MICAL2: variants seen among roughly 807,000 people sequenced by gnomAD.
MICAL2 encodes the protein [F-actin]-monooxygenase MICAL2.
MICAL2 carries 77 observed loss-of-function variants against 127.3 expected under a neutral mutation model. The observed-to-expected ratio is 0.60, with a 90% CI of 0.50 to 0.73. MICAL2 has a LOEUF of 0.73. Among genes scored for constraint, MICAL2 ranks in the 30% least tolerant of loss-of-function variants. MICAL2 has a pLI of 0.00. For synonymous variants in MICAL2, 570 were observed against 551.1 expected, an observed-to-expected ratio of 1.03 and a Z score of -0.48; for missense variants, 1,351 against 1,434.4, an observed-to-expected ratio of 0.94 and a Z score of 0.94.
chr11:12,209,713 T>C lies in MICAL2; in HGVS notation c.691+115T>C. 6 of 924,358 alleles carry C rather than the reference T, an allele frequency of 6.5e-6. No individual in the cohort carries two copies. The South Asian group carries it at 8.5e-5, about 13-fold the overall frequency. The allele number at this position is 924,358 out of a possible 1,614,324, so 57.3% of individuals were successfully genotyped here. ...AGATGCCAGAGCTGGATGGAGGTTT[T>C]GATAGGAGGGCAGACCATCCTGTCC... is the stretch of plus-strand genomic sequence containing the variant. On this transcript the variant is annotated intron_variant, in intron 6 of 27. Coordinates refer to ENST00000683283, the MANE Select transcript of MICAL2 (RefSeq NM_001282663.2).
intron 3 of MICAL2, among the ~76,000 whole-genome samples, chr11:12,186,725 G>C (rs868276017): frequency 1.3e-5 from 2 of 152,190 alleles, no homozygotes. Flanking sequence ...GGAGTGCAGA[G>C]AGTGGGAGCT....
intron 31 of MICAL2, chr11:12,324,203 G>T: frequency 2.8e-6 from 3 of 1,089,414 alleles, no homozygotes; most frequent in South Asian, 2.0e-5. Flanking sequence ...TGTTCTCTGA[G>T]GAACCAGATT....
At chr11:12,192,953 C>G (rs1023748293) in intron 3 of MICAL2, among the ~76,000 whole-genome samples, 2 of 152,164 alleles carry the variant, frequency 1.3e-5, no homozygotes, top group African/African-American at 2.4e-5. Context: ...CTTTATTCCT[C>G]TTTTATGGTT....
chr11:12,346,506 C>T (rs936217527), intron 32 of MICAL2, among the ~76,000 whole-genome samples: 7 of 152,202 alleles, frequency 4.6e-5, no homozygotes, highest in Admixed American at 1.3e-4. Flanking sequence ...CTCTGGCGTA[C>T]ATACTTCATT....
intron 3 of MICAL2, among the ~76,000 whole-genome samples, chr11:12,194,210 C>T (rs2134045453): frequency 6.6e-6 from 1 of 152,330 alleles, no homozygotes; most frequent in East Asian, 1.9e-4. Flanking sequence ...CTCTCCCTCA[C>T]TATCTGCTGT....
chr11:12,194,626 G>T (rs556700901), intron 3 of MICAL2, among the ~76,000 whole-genome samples: 57 of 152,212 alleles, frequency 3.7e-4, no homozygotes, highest in African/African-American at 1.3e-3. Flanking sequence ...TTCTCCTAAA[G>T]AAATGTGAGA....
At chr11:12,334,600 C>G (rs1334106100) in intron 32 of MICAL2, among the ~76,000 whole-genome samples, 2 of 103,974 alleles carry the variant, frequency 1.9e-5, no homozygotes, top group South Asian at 5.6e-4. Flanking sequence ...ATCCCTCCCC[C>G]CTCCCCCCAC....
At chr11:12,163,869 G>T (rs1415622528) in intron 3 of MICAL2, 1 of 152,116 alleles carries the variant, frequency 6.6e-6, no homozygotes, top group Non-Finnish European at 1.5e-5. Context: ...AATTGTATAT[G>T]GTGGCTTCTT....
At chr11:12,165,584 A>G (rs1855407286) in intron 3 of MICAL2, among the ~76,000 whole-genome samples, 2 of 152,194 alleles carry the variant, frequency 1.3e-5, no homozygotes, top group Non-Finnish European at 2.9e-5. Flanking sequence ...CAGAACCCCG[A>G]CCTTTGTGCT....
chr11:12,162,418 AG>A lies in MICAL2; in HGVS notation c.264+1del. Reference protein sequence around the residue: ...YKRGKSCTNTKCLIVGGGPCG... With the variant: ...YKRGKSCTNTXCLIVGGGPCG... ...CGAGGGAAGTCGTGCACGAACACCAAGGTAAGGGGAAACCCTCCTAGTCTTA... is the reference window on the plus strand; with the variant it reads ...CGAGGGAAGTCGTGCACGAACACCAAGTAAGGGGAAACCCTCCTAGTCTTA... On this transcript the variant is annotated frameshift_variant and splice_region_variant, in exon 3 of 28. Coordinates refer to ENST00000683283, the MANE Select transcript of MICAL2 (RefSeq NM_001282663.2). LOFTEE classifies it high-confidence loss of function. The A allele has an allele frequency of 6.2e-7, 1 of 1,614,094 alleles. No individual in the cohort carries two copies. Among genetic ancestry groups the A allele is most frequent in the Non-Finnish European group, 8.5e-7 (1 of 1,179,954 alleles).
At chr11:12,231,819 G>A (rs978908498) in intron 15 of MICAL2, among the ~76,000 whole-genome samples, 1 of 152,222 alleles carries the variant, frequency 6.6e-6, no homozygotes, top group Non-Finnish European at 1.5e-5. Flanking sequence ...GGGCCCTGGA[G>A]TATCCCCTCC....
chr11:12,344,311 A>G, intron 32 of MICAL2, among the ~76,000 whole-genome samples: 1 of 151,918 alleles, frequency 6.6e-6, no homozygotes, highest in Admixed American at 6.6e-5. Flanking sequence ...AACAAAACAA[A>G]ACAAAAAACA....
At chr11:12,278,423 C>T (rs1044406334) in intron 1 of MICAL2, among the ~76,000 whole-genome samples, 9 of 152,276 alleles carry the variant, frequency 5.9e-5, no homozygotes, top group African/African-American at 9.6e-5. Flanking sequence ...CCTTTCCCTA[C>T]GATGTTAACA....
chr11:12,296,624 G>C (rs557781559), downstream of MICAL2, among the ~76,000 whole-genome samples: 1 of 150,578 alleles, frequency 6.6e-6, no homozygotes, highest in African/African-American at 2.4e-5. Flanking sequence ...AAATCAAAGG[G>C]TACAAAAGGT....
At chr11:12,219,581 A>G (rs1856589028) in intron 8 of MICAL2, among the ~76,000 whole-genome samples, 1 of 149,512 alleles carries the variant, frequency 6.7e-6, no homozygotes, top group South Asian at 2.1e-4. Context: ...CCCTCGGCCC[A>G]TCAAGTAAAG....
chr11:12,257,132 C>A, intron 24 of MICAL2, 161 bp downstream of exon 24: 2 of 760,006 alleles, frequency 2.6e-6, no homozygotes, highest in Admixed American at 3.2e-5. Flanking sequence ...GGAGCTCCTG[C>A]TAGAAGGGGA....
chr11:12,231,435 GT>G (rs1858249762), intron 15 of MICAL2, among the ~76,000 whole-genome samples: 1 of 152,168 alleles, frequency 6.6e-6, no homozygotes, highest in African/African-American at 2.4e-5. Flanking sequence ...AGTGGTCCAG[GT>G]CCCCCTCCCC....
At chr11:12,150,216 G>A (rs1853418589) in intron 2 of MICAL2, among the ~76,000 whole-genome samples, 1 of 152,086 alleles carries the variant, frequency 6.6e-6, no homozygotes, top group Non-Finnish European at 1.5e-5. Context: ...CGCATTTTGG[G>A]GAATGACTTC....
intron 3 of MICAL2, among the ~76,000 whole-genome samples, chr11:12,174,379 T>TACC (rs1856612264): frequency 2.0e-5 from 1 of 48,878 alleles, no homozygotes; most frequent in African/African-American, 7.8e-5. Context: ...AGCCCCTGCC[T>TACC]ACCACCATTC....
Sources: allele counts gnomAD v4.1 joint callset (sites outside exome capture counted in the v4.1 genomes callset), GRCh38; gene constraint gnomAD v4.1.1; transcripts MANE v1.5; gene names NCBI Gene and HGNC (gene_info 2026-07-23, HGNC 2026-07-21).